The following NKAIN2 variants were observed in gnomAD, a reference collection of about 807,000 sequenced individuals.
NKAIN2 encodes sodium/potassium-transporting ATPase subunit beta-1-interacting protein 2.
A neutral mutation model predicts 32.6 loss-of-function variants in NKAIN2; 14 were observed. The ratio of observed to expected loss-of-function variants is 0.43; its 90% confidence interval spans 0.28 to 0.67. The LOEUF (loss-of-function observed/expected upper bound fraction) is 0.67. Ranked by LOEUF, NKAIN2 falls within the 30% of genes least tolerant of loss-of-function variation. The pLI, the probability that NKAIN2 is intolerant of heterozygous loss-of-function variation, is 0.17. For missense variants in NKAIN2, 198 were observed against 258.3 expected (o/e 0.77, Z 1.60); for synonymous variants, 80 against 87.2 (o/e 0.92, Z 0.46).
intron 3 of NKAIN2, among the ~76,000 whole-genome samples, chr6:124,487,694 A>G (rs1440245903): frequency 1.3e-5 from 2 of 152,194 alleles, no homozygotes; most frequent in East Asian, 3.9e-4. Context: ...TTTTACCTTT[A>G]TATTTCTTAT....
chr6:123,811,802 A>AT (rs1261780299), intron 1 of NKAIN2, among the ~76,000 whole-genome samples: 1 of 151,980 alleles, frequency 6.6e-6, no homozygotes, highest in Non-Finnish European at 1.5e-5. Context: ...TCATAGAATC[A>AT]TTTTTTTCTT....
intron 1 of NKAIN2, among the ~76,000 whole-genome samples, chr6:124,036,339 A>AT (rs1255175619): frequency 1.3e-5 from 2 of 152,126 alleles, no homozygotes; most frequent in East Asian, 3.9e-4. Context: ...AGCTAACAGT[A>AT]TTTTTAACTT....
chr6:124,366,996 TATG>T (rs1054118123), intron 3 of NKAIN2, among the ~76,000 whole-genome samples: 4 of 151,940 alleles, frequency 2.6e-5, no homozygotes, highest in Non-Finnish European at 5.9e-5. Context: ...TATAAATAAT[TATG>T]ATATTATTTC....
chr6:124,607,359 G>A (rs1782538774), intron 3 of NKAIN2, among the ~76,000 whole-genome samples: 1 of 152,108 alleles, frequency 6.6e-6, no homozygotes, highest in Non-Finnish European at 1.5e-5. Flanking sequence ...AGAAGTGTGA[G>A]CAGTGAGCTT....
intron 4 of NKAIN2, among the ~76,000 whole-genome samples, chr6:124,714,988 A>G (rs1482992856): frequency 2.0e-5 from 3 of 152,172 alleles, no homozygotes; most frequent in Non-Finnish European, 4.4e-5. Context: ...AACCATGAGA[A>G]TGATTCAGAG....
At chr6:124,354,293 A>G (rs891244163) in intron 2 of NKAIN2, among the ~76,000 whole-genome samples, 6 of 152,156 alleles carry the variant, frequency 3.9e-5, no homozygotes, top group African/African-American at 1.4e-4. Flanking sequence ...ATTTGAGTTC[A>G]GGAGGAATTC....
Position 124,687,679 on chromosome 6 carries a change from G to T in NKAIN2, c.474+29293G>T, listed in dbSNP as rs1421154488. 2.1e-3 allele frequency among the ~76,000 whole-genome samples: 5 copies of T among 2,392 alleles called. 1 individual carries two copies. The East Asian group carries it at 0.052, about 25-fold the overall frequency. The allele number at this position is 2,392 out of a possible 152,430, so 1.6% of individuals were successfully genotyped here. On this transcript the variant is annotated intron_variant, in intron 4 of 6. Coordinates refer to ENST00000368417, the MANE Select transcript of NKAIN2 (RefSeq NM_001040214.3). Reference sequence around the variant, plus strand: ...GAGAATATACCATATATATATTTGGGCTATATATATGAATATAGTGAATAT... The same window carrying T: ...GAGAATATACCATATATATATTTGGTCTATATATATGAATATAGTGAATAT...
chr6:124,146,540 TAG>T (rs1296274259), intron 1 of NKAIN2, among the ~76,000 whole-genome samples: 1 of 152,180 alleles, frequency 6.6e-6, no homozygotes, highest in East Asian at 1.9e-4. Flanking sequence ...GTTTATACCC[TAG>T]AGTAACACCT....
At chr6:123,808,160 A>G (rs2114855187) in intron 1 of NKAIN2, among the ~76,000 whole-genome samples, 1 of 152,330 alleles carries the variant, frequency 6.6e-6, no homozygotes, top group East Asian at 1.9e-4. Context: ...TAGCTTGAAA[A>G]GTGCAGGTAG....
At chr6:124,017,791 C>T (rs1780654903) in intron 1 of NKAIN2, among the ~76,000 whole-genome samples, 2 of 152,136 alleles carry the variant, frequency 1.3e-5, no homozygotes, top group African/African-American at 2.4e-5. Flanking sequence ...CCCCGACCCC[C>T]CGGCTGTTTT....
intron 3 of NKAIN2, among the ~76,000 whole-genome samples, chr6:124,549,368 AAAAT>A (rs745310645): frequency 6.6e-6 from 1 of 152,160 alleles, no homozygotes. Context: ...ACTCCATCTC[AAAAT>A]AAATAAATAA....
intron 1 of NKAIN2, among the ~76,000 whole-genome samples, chr6:124,015,778 A>T (rs1780541261): frequency 6.6e-6 from 1 of 152,188 alleles, no homozygotes; most frequent in Non-Finnish European, 1.5e-5. Flanking sequence ...AGTATTTGTG[A>T]GCTGTTCTAG....
At chr6:124,558,793 C>CA (rs1297117958) in intron 3 of NKAIN2, among the ~76,000 whole-genome samples, 5 of 152,034 alleles carry the variant, frequency 3.3e-5, no homozygotes, top group African/African-American at 4.8e-5. Context: ...ACTAAAAATA[C>CA]AAAAAATTAG....
chr6:124,736,189 A>C (rs1293131964), intron 4 of NKAIN2, among the ~76,000 whole-genome samples: 3 of 151,988 alleles, frequency 2.0e-5, no homozygotes, highest in African/African-American at 7.2e-5. Context: ...GATAGATCAA[A>C]ACAGCCACAA....
intron 1 of NKAIN2, among the ~76,000 whole-genome samples, chr6:124,081,129 G>A (rs1783949896): frequency 1.3e-5 from 2 of 152,012 alleles, no homozygotes; most frequent in Non-Finnish European, 2.9e-5. Context: ...CCTCTATGCA[G>A]TTTTTACTTG....
intron 1 of NKAIN2, among the ~76,000 whole-genome samples, chr6:124,214,485 A>G (rs1791364753): frequency 6.6e-6 from 1 of 151,784 alleles, no homozygotes; most frequent in African/African-American, 2.4e-5. Context: ...GTGGTGGCTC[A>G]CACCTGTAAT....
At chr6:123,867,160 A>G (rs954945364) in intron 1 of NKAIN2, among the ~76,000 whole-genome samples, 4 of 152,160 alleles carry the variant, frequency 2.6e-5, no homozygotes, top group Non-Finnish European at 5.9e-5. Context: ...AGATCTCTTG[A>G]CATTAGGTAT....
chr6:124,047,100 A>G (rs1315284809), intron 1 of NKAIN2, among the ~76,000 whole-genome samples: 1 of 151,926 alleles, frequency 6.6e-6, no homozygotes, highest in African/African-American at 2.4e-5. Context: ...CCATTTCCTT[A>G]TGATATACTT....
At chr6:124,759,363 C>T (rs1778115485) in intron 4 of NKAIN2, among the ~76,000 whole-genome samples, 1 of 151,922 alleles carries the variant, frequency 6.6e-6, no homozygotes, top group South Asian at 2.1e-4. Context: ...CAATTCTTAC[C>T]AAGAGTTTAG....
Sources: allele counts gnomAD v4.1 joint callset (sites outside exome capture counted in the v4.1 genomes callset), GRCh38; gene constraint gnomAD v4.1.1; transcripts MANE v1.5; gene names NCBI Gene and HGNC (gene_info 2026-07-23, HGNC 2026-07-21).